Variants in KCNQ1 observed in about 807,000 individuals in gnomAD.
KCNQ1 encodes potassium voltage-gated channel subfamily Q member 1, also known as potassium voltage-gated channel subfamily KQT member 1.
Under a neutral mutation model 72.4 loss-of-function variants are expected in KCNQ1, and 49 were observed. The ratio of observed to expected loss-of-function variants is 0.68; its 90% confidence interval spans 0.54 to 0.86. KCNQ1 has a LOEUF of 0.86. Among genes scored for constraint, KCNQ1 ranks in the 40% least tolerant of loss-of-function variants. The pLI is 0.00. For synonymous variants in KCNQ1, 450 were observed against 412.6 expected, an observed-to-expected ratio of 1.09 and a Z score of -1.10; for missense variants, 790 against 945.1, an observed-to-expected ratio of 0.84 and a Z score of 2.15.
chr11:2,795,483 T>TTGGGC (rs1847112290), intron 15 of KCNQ1, among the ~76,000 whole-genome samples: 1 of 152,222 alleles, frequency 6.6e-6, no homozygotes, highest in East Asian at 1.9e-4. Flanking sequence ...GAGCAATTGC[T>TTGGGC]AAAGACACAG....
rs186662297 is a variant in KCNQ1 at position 2,616,608 on chromosome 11, T to A, written c.1393+27754T>A. The A allele has an allele frequency of 1.5e-3, 596 of 398,198 alleles. 10 individuals are homozygous for A. The East Asian group carries it at 0.021, about 14-fold the overall frequency. The allele number at this position is 398,198 out of a possible 1,614,324, so 24.7% of individuals were successfully genotyped here. A position where few individuals can be genotyped will look rare whatever the true frequency, so the allele number is the denominator to read the frequency against. On this transcript the variant is annotated intron_variant, in intron 10 of 15. Transcript: ENST00000155840. Reference sequence around the variant, plus strand: ...TGTCGTCATTTTCACTTTTTGAAAGTATTTTATAATTTCCCTTCTGATGTC... The same window carrying A: ...TGTCGTCATTTTCACTTTTTGAAAGAATTTTATAATTTCCCTTCTGATGTC...
chr11:2,518,919 G>A lies in KCNQ1; in HGVS notation c.387-9009G>A, dbSNP rs557522690. 2.5e-4 allele frequency among the ~76,000 whole-genome samples: 38 copies of A among 152,332 alleles called. No individual in the cohort carries two copies. In the South Asian group the frequency reaches 6.2e-3, roughly 25 times the overall value. On this transcript the variant is annotated intron_variant, in intron 1 of 15. Coordinates refer to ENST00000155840, the MANE Select transcript of KCNQ1 (RefSeq NM_000218.3). Reference sequence around the variant, plus strand: ...CTGGTGGGGAGGCGTCCATTCACCCGGAGCTGGACGGGGAGGACCAGGCTG... The same window carrying A: ...CTGGTGGGGAGGCGTCCATTCACCCAGAGCTGGACGGGGAGGACCAGGCTG...
At chr11:2,528,112 C>A in intron 2 of KCNQ1, 94 bp downstream of exon 2, 1 of 1,051,780 alleles carries the variant, frequency 9.5e-7, no homozygotes, top group Non-Finnish European at 1.5e-6. Flanking sequence ...GGGGCAGAGC[C>A]ACTCCCAGCC....
chr11:2,596,134 A>G (rs1299101777), intron 10 of KCNQ1, among the ~76,000 whole-genome samples: 1 of 152,230 alleles, frequency 6.6e-6, no homozygotes, highest in Non-Finnish European at 1.5e-5. Context: ...ATGAAATACC[A>G]CGGCCCAATT....
In KCNQ1 at chr11:2,704,220, G is replaced by A. The variant is rs965475046; in HGVS notation, c.1514+42139G>A. On this transcript the variant is annotated intron_variant, in intron 11 of 15. Coordinates refer to ENST00000155840, the MANE Select transcript of KCNQ1 (RefSeq NM_000218.3). The surrounding 1 kb of genome is among the most constrained non-coding windows in gnomAD (Gnocchi z 4.3). ...GTCATAGGTTTCTGCTGACCCTGCA[G>A]CCCATGTCCTTGTTCCAGAATCTTC... Among the ~76,000 whole-genome samples, 1 of 152,240 alleles carries A rather than the reference G, an allele frequency of 6.6e-6. No homozygotes were observed. The highest frequency in any genetic ancestry group is 2.4e-5 in the African/African-American group (1 of 41,464).
chr11:2,640,548 A>G, intron 10 of KCNQ1: 2 of 380,306 alleles, frequency 5.3e-6, no homozygotes, highest in Non-Finnish European at 9.0e-6. Context: ...GGCCCCCCAA[A>G]GCACTGGGAT....
intron 11 of KCNQ1, among the ~76,000 whole-genome samples, chr11:2,733,864 C>A (rs7480990): frequency 2.1e-5 from 2 of 96,430 alleles, no homozygotes; most frequent in South Asian, 6.5e-4. Flanking sequence ...TCTCCCCCCC[C>A]ACTTCAGGGC....
chr11:2,582,978 C>T (rs1324527666), intron 6 of KCNQ1, among the ~76,000 whole-genome samples: 2 of 152,150 alleles, frequency 1.3e-5, no homozygotes, highest in East Asian at 1.9e-4. Context: ...ATCTGGTGCC[C>T]TGGAGTGGCG....
At chr11:2,760,013 G>C (rs1846364370) in intron 11 of KCNQ1, among the ~76,000 whole-genome samples, 1 of 152,220 alleles carries the variant, frequency 6.6e-6, no homozygotes, top group Admixed American at 6.5e-5. Flanking sequence ...GGCCCGCCAT[G>C]GGCAGCCCAG....
chr11:2,451,276 A>G lies in KCNQ1; in HGVS notation c.386+5792A>G, dbSNP rs982283483. ...TATTAGATTCTCATAAGAAGCGTGC[A>G]ACCTAGATCCCTTGTGTGCGCAGTT... On this transcript the variant is annotated intron_variant, in intron 1 of 15. Coordinates refer to ENST00000155840, the MANE Select transcript of KCNQ1 (RefSeq NM_000218.3). This position sits in a 1 kb window ranked among gnomAD's most constrained non-coding sequence, Gnocchi z 6.4. 9.2e-5 allele frequency among the ~76,000 whole-genome samples: 14 copies of G among 152,306 alleles called. No homozygotes were observed. Among genetic ancestry groups the G allele is most frequent in the African/African-American group, 3.4e-4 (14 of 41,558 alleles).
rs1015473963 is a variant in KCNQ1, at chr11:2,712,784, C to T, written c.1514+50703C>T. 2.0e-5 allele frequency among the ~76,000 whole-genome samples: 3 copies of T among 152,190 alleles called. No individual in the cohort carries two copies. Among genetic ancestry groups the T allele is most frequent in the African/African-American group, 7.2e-5 (3 of 41,448 alleles). On this transcript the variant is annotated intron_variant, in intron 11 of 15. Transcript: ENST00000155840. This position sits in a 1 kb window ranked among gnomAD's most constrained non-coding sequence, Gnocchi z 6.4. ...CCCTGGCTCCTGCACTTTTTCTGCA[C>T]GGGACTCCCTCACAGCCTCTGGGTT...
intron 11 of KCNQ1, among the ~76,000 whole-genome samples, chr11:2,729,945 G>T (rs1406181308): frequency 6.6e-6 from 1 of 152,190 alleles, no homozygotes; most frequent in South Asian, 2.1e-4. Context: ...TCAGGGCTAA[G>T]AGCATTGTGG....
chr11:2,571,773 C>T (rs1848338242), intron 4 of KCNQ1, among the ~76,000 whole-genome samples: 1 of 152,178 alleles, frequency 6.6e-6, no homozygotes, highest in African/African-American at 2.4e-5. Context: ...TCTGGAGGTA[C>T]CTGGCCGACC....
rs1850326511 is a variant in KCNQ1, at chr11:2,678,195, T to C, written c.1514+16114T>C. ...TTTTCTGGTGGCAGAATTTTTTTAA[T>C]TTCACATAGTCAGCTGTGTCAGTCT... On this transcript the variant is annotated intron_variant, in intron 11 of 15. Transcript: ENST00000155840. The surrounding 1 kb of genome is among the most constrained non-coding windows in gnomAD (Gnocchi z 4.9). 5 of 398,404 alleles carry C rather than the reference T, an allele frequency of 1.3e-5. No homozygotes were observed. The East Asian group carries it at 1.8e-4, about 14-fold the overall frequency. The allele number at this position is 398,404 out of a possible 1,614,324, so 24.7% of individuals were successfully genotyped here.
chr11:2,520,721 T>C (rs760084587), intron 1 of KCNQ1, among the ~76,000 whole-genome samples: 1 of 152,088 alleles, frequency 6.6e-6, no homozygotes, highest in Non-Finnish European at 1.5e-5. Context: ...GGGAAGCCTG[T>C]CCTCTCCAGC....
chr11:2,749,180 G>C (rs1228291352), intron 11 of KCNQ1, among the ~76,000 whole-genome samples: 3 of 152,236 alleles, frequency 2.0e-5, no homozygotes. Flanking sequence ...ATGGGGGGCT[G>C]TTCCGCCAGC....
In KCNQ1 at chr11:2,600,729, T is replaced by G. The variant is rs1564829808; in HGVS notation, c.1393+11875T>G. On this transcript the variant is annotated intron_variant, in intron 10 of 15. Coordinates refer to ENST00000155840, the MANE Select transcript of KCNQ1 (RefSeq NM_000218.3). The surrounding 1 kb of genome is among the most constrained non-coding windows in gnomAD (Gnocchi z 5.6). ...CTCCACTGCAAGATCCAGTTCAGGGTCAGTACTGCCTTTAGATGTGTCTCT... is the reference window on the plus strand; with the variant it reads ...CTCCACTGCAAGATCCAGTTCAGGGGCAGTACTGCCTTTAGATGTGTCTCT... 6.6e-6 allele frequency among the ~76,000 whole-genome samples: 1 copy of G among 152,186 alleles called. No individual in the cohort carries two copies. The highest frequency in any genetic ancestry group is 2.4e-5 in the African/African-American group (1 of 41,450).
In KCNQ1 at chr11:2,826,581, C is replaced by T. The variant is rs2134062294; in HGVS notation, c.1795-21186C>T. 6.6e-6 allele frequency among the ~76,000 whole-genome samples: 1 copy of T among 152,360 alleles called. No individual in the cohort carries two copies. The highest frequency in any genetic ancestry group is 2.1e-4 in the South Asian group (1 of 4,832). On this transcript the variant is annotated intron_variant, in intron 15 of 15. Coordinates refer to ENST00000155840, the MANE Select transcript of KCNQ1 (RefSeq NM_000218.3). This position sits in a 1 kb window ranked among gnomAD's most constrained non-coding sequence, Gnocchi z 4.2. ...TCCCCAGCAGACCTGCAGCTGGGCA[C>T]CCACAGGGTAGAAATGCCCTGGATT...
In KCNQ1 at chr11:2,787,996, G is replaced by A. The variant is rs745341615; in HGVS notation, c.1794+9959G>A. Among the ~76,000 whole-genome samples, 37 of 152,326 alleles carry A rather than the reference G, an allele frequency of 2.4e-4. 1 individual carries two copies. Among genetic ancestry groups the A allele is most frequent in the South Asian group, 4.1e-4 (2 of 4,824 alleles). Reference sequence around the variant, plus strand: ...TTTGGACGGGCATGGCCGTGCGCGCGTGTGGGGAGGTGAGTGTGGCTCCCC... The same window carrying A: ...TTTGGACGGGCATGGCCGTGCGCGCATGTGGGGAGGTGAGTGTGGCTCCCC... On this transcript the variant is annotated intron_variant, in intron 15 of 15. Coordinates refer to ENST00000155840, the MANE Select transcript of KCNQ1 (RefSeq NM_000218.3). The surrounding 1 kb of genome is among the most constrained non-coding windows in gnomAD (Gnocchi z 6.3).
Sources: allele counts gnomAD v4.1 joint callset (sites outside exome capture counted in the v4.1 genomes callset), GRCh38; gene constraint gnomAD v4.1.1; non-coding constraint Gnocchi (gnomAD v3.1); transcripts MANE v1.5; gene names NCBI Gene and HGNC (gene_info 2026-07-23, HGNC 2026-07-21).